The following KCNH7 variants were observed in gnomAD, a reference collection of about 807,000 sequenced individuals.
KCNH7 encodes the protein voltage-gated inwardly rectifying potassium channel KCNH7.
A neutral mutation model predicts 120.8 loss-of-function variants in KCNH7; 49 were observed. The observed-to-expected ratio is 0.41, with a 90% CI of 0.32 to 0.51. The LOEUF (loss-of-function observed/expected upper bound fraction) is 0.51. KCNH7 is among the 20% of genes least tolerant of loss of function. The probability of loss-of-function intolerance (pLI) is 0.38; values close to 1 mark genes in which losing one functional copy is unlikely to be tolerated. For synonymous variants in KCNH7, 547 were observed against 516.1 expected, an observed-to-expected ratio of 1.06 and a Z score of -0.81; for missense variants, 1,097 against 1,446.6, an observed-to-expected ratio of 0.76 and a Z score of 3.92.
At chr2:162,445,025 T>G (rs1688535011) in intron 7 of KCNH7, among the ~76,000 whole-genome samples, 1 of 152,174 alleles carries the variant, frequency 6.6e-6, no homozygotes, top group Non-Finnish European at 1.5e-5. Flanking sequence ...AGGAAAAATG[T>G]ATTGTTTCAT....
rs199687130 is a variant in KCNH7 at position 162,484,248 on chromosome 2, C to CAG, written c.1128+20193_1128+20194dup. ...ACACACACACACACACACACACACA[C>CAG]AGAGAGACACACACACACAGTCTTA... is the stretch of plus-strand genomic sequence containing the variant. On this transcript the variant is annotated intron_variant, in intron 6 of 15. Transcript: ENST00000332142. Among the ~76,000 whole-genome samples, 227 of 148,904 alleles carry CAG rather than the reference C, an allele frequency of 1.5e-3. 2 individuals carry two copies. The highest frequency in any genetic ancestry group is 6.4e-3 in the East Asian group (31 of 4,836).
At chr2:162,390,340 A>G (rs1686709132) in intron 12 of KCNH7, among the ~76,000 whole-genome samples, 1 of 151,338 alleles carries the variant, frequency 6.6e-6, no homozygotes, top group South Asian at 2.1e-4. Flanking sequence ...GTGCCATTAT[A>G]CATGCTATTT....
chr2:162,540,361 T>A (rs1226569155), intron 2 of KCNH7, among the ~76,000 whole-genome samples: 1 of 152,072 alleles, frequency 6.6e-6, no homozygotes, highest in East Asian at 1.9e-4. Context: ...ACAGTGCTAA[T>A]TTTAATAAAA....
At chr2:162,720,604 T>C (rs1687294832) in intron 2 of KCNH7, among the ~76,000 whole-genome samples, 1 of 152,142 alleles carries the variant, frequency 6.6e-6, no homozygotes, top group Non-Finnish European at 1.5e-5. Flanking sequence ...TACTCTGTTG[T>C]AAGTTTCATA....
chr2:162,513,237 C>A (rs1262011451), intron 4 of KCNH7, among the ~76,000 whole-genome samples: 1 of 131,326 alleles, frequency 7.6e-6, no homozygotes, highest in Non-Finnish European at 1.6e-5. Context: ...TGCCTTCCTC[C>A]CTTTCTCCCT....
chr2:162,501,898 C>T, intron 6 of KCNH7: 1 of 151,882 alleles, frequency 6.6e-6, no homozygotes, highest in African/African-American at 2.4e-5. Context: ...AATGTTAAAA[C>T]AAATATTTCT....
chr2:162,626,697 T>C (rs951499679), intron 2 of KCNH7, among the ~76,000 whole-genome samples: 3 of 152,156 alleles, frequency 2.0e-5, no homozygotes, highest in Non-Finnish European at 4.4e-5. Context: ...AGATCAACTA[T>C]ATTCATTATG....
intron 9 of KCNH7, among the ~76,000 whole-genome samples, chr2:162,408,460 C>T (rs1217955185): frequency 1.3e-5 from 2 of 151,916 alleles, no homozygotes; most frequent in Non-Finnish European, 2.9e-5. Flanking sequence ...CTTGGCACTC[C>T]GAATGTTCCA....
At chr2:162,703,243 C>G (rs906577492) in intron 2 of KCNH7, among the ~76,000 whole-genome samples, 4 of 152,084 alleles carry the variant, frequency 2.6e-5, no homozygotes, top group African/African-American at 9.7e-5. Context: ...ATTATTATCT[C>G]TACTTTGTAT....
intron 2 of KCNH7, among the ~76,000 whole-genome samples, chr2:162,659,588 C>T (rs1156342943): frequency 6.6e-6 from 1 of 152,104 alleles, no homozygotes; most frequent in African/African-American, 2.4e-5. Flanking sequence ...GTGATCCAGC[C>T]CAGCTCAACC....
intron 6 of KCNH7, among the ~76,000 whole-genome samples, chr2:162,477,783 T>G (rs77913608): frequency 0.018 from 2,765 of 152,194 alleles, 65 homozygotes; most frequent in East Asian, 0.09. Context: ...AATGCGTGCC[T>G]ACATTTTTCT....
intron 2 of KCNH7, among the ~76,000 whole-genome samples, chr2:162,610,741 A>G (rs1682935986): frequency 6.6e-6 from 1 of 152,192 alleles, no homozygotes. Flanking sequence ...GAAAATTAGT[A>G]ATGTGTTTTC....
At chr2:162,568,302 A>C (rs1693331410) in intron 2 of KCNH7, among the ~76,000 whole-genome samples, 1 of 152,036 alleles carries the variant, frequency 6.6e-6, no homozygotes, top group African/African-American at 2.4e-5. Context: ...ATTTGGGTAC[A>C]GACATAAAGC....
intron 2 of KCNH7, among the ~76,000 whole-genome samples, chr2:162,545,451 C>T (rs976733840): frequency 6.6e-6 from 1 of 152,002 alleles, no homozygotes; most frequent in Non-Finnish European, 1.5e-5. Flanking sequence ...CAAAGGTCAC[C>T]CAGGTCACCT....
chr2:162,729,956 T>C (rs1174381951), intron 2 of KCNH7, among the ~76,000 whole-genome samples: 2 of 152,046 alleles, frequency 1.3e-5, no homozygotes, highest in African/African-American at 4.8e-5. Flanking sequence ...ATAAAATAAG[T>C]AGCTTTAATT....
chr2:162,802,070 CCA>C (rs1167225920), intron 2 of KCNH7, among the ~76,000 whole-genome samples: 1 of 151,574 alleles, frequency 6.6e-6, no homozygotes, highest in Non-Finnish European at 1.5e-5. Context: ...GACCTTGTCC[CCA>C]GAGTTTCAGA....
chr2:162,805,320 T>C (rs933323282), intron 2 of KCNH7, among the ~76,000 whole-genome samples: 1 of 151,996 alleles, frequency 6.6e-6, no homozygotes, highest in African/African-American at 2.4e-5. Context: ...GAGAAAATAT[T>C]TGCAAACTAT....
intron 2 of KCNH7, among the ~76,000 whole-genome samples, chr2:162,777,293 A>T (rs946533826): frequency 6.6e-6 from 1 of 152,156 alleles, no homozygotes; most frequent in African/African-American, 2.4e-5. Context: ...TGTTTACTTC[A>T]CATCATCTCT....
chr2:162,497,226 T>C (rs777837091), intron 6 of KCNH7, among the ~76,000 whole-genome samples: 1 of 152,164 alleles, frequency 6.6e-6, no homozygotes, highest in Non-Finnish European at 1.5e-5. Context: ...AATGAAGAGA[T>C]AATGAACCTG....
Sources: allele counts gnomAD v4.1 joint callset (sites outside exome capture counted in the v4.1 genomes callset), GRCh38; gene constraint gnomAD v4.1.1; transcripts MANE v1.5; gene names NCBI Gene and HGNC (gene_info 2026-07-23, HGNC 2026-07-21).